The following AHI1 variants were observed in gnomAD, a reference collection of about 807,000 sequenced individuals.
AHI1 encodes the protein jouberin.
In AHI1, 123 loss-of-function variants were observed where a neutral mutation model predicts 149.3. The observed-to-expected ratio is 0.82, with a 90% confidence interval of 0.71 to 0.96. The LOEUF (loss-of-function observed/expected upper bound fraction) is 0.96, where lower values mean the gene tolerates loss of function less well. Among genes scored for constraint, AHI1 ranks in the 40% least tolerant of loss-of-function variants. The pLI, the probability that AHI1 is intolerant of heterozygous loss-of-function variation, is 0.00. For synonymous variants in AHI1, 475 were observed against 459.8 expected (o/e 1.03, Z -0.42); for missense variants, 1,439 against 1,422.7 (o/e 1.01, Z -0.18).
chr6:135,439,889 T>C (rs896005124), intron 14 of AHI1, among the ~76,000 whole-genome samples: 3 of 152,056 alleles, frequency 2.0e-5, no homozygotes, highest in Non-Finnish European at 4.4e-5. Flanking sequence ...AATAGCAAAG[T>C]AAGAATCTTA....
At chr6:135,395,958 T>C (rs1779153351) in intron 22 of AHI1, among the ~76,000 whole-genome samples, 1 of 151,866 alleles carries the variant, frequency 6.6e-6, no homozygotes, top group Non-Finnish European at 1.5e-5. Context: ...TACTGGGCTC[T>C]TGTTACATGC....
chr6:135,453,135 A>G (rs1366249533), intron 11 of AHI1, among the ~76,000 whole-genome samples: 1 of 152,184 alleles, frequency 6.6e-6, no homozygotes, highest in Non-Finnish European at 1.5e-5. Context: ...CTCAGAACCA[A>G]ATAGTGTAAC....
intron 24 of AHI1, among the ~76,000 whole-genome samples, chr6:135,345,015 CA>C (rs1790981869): frequency 6.6e-6 from 1 of 151,228 alleles, no homozygotes; most frequent in Non-Finnish European, 1.5e-5. Flanking sequence ...ATAATCTCCC[CA>C]ATTAGAAAAT....
At chr6:135,400,295 T>C (rs1779843336) in intron 22 of AHI1, among the ~76,000 whole-genome samples, 2 of 152,328 alleles carry the variant, frequency 1.3e-5, no homozygotes, top group Admixed American at 1.3e-4. Context: ...TTCTCTATTT[T>C]CTGAACCTTT....
At chr6:135,356,717 T>C (rs980127885) in intron 24 of AHI1, among the ~76,000 whole-genome samples, 4 of 152,206 alleles carry the variant, frequency 2.6e-5, no homozygotes, top group African/African-American at 9.6e-5. Context: ...GGCTACTCTT[T>C]TAGCATACTT....
intron 13 of AHI1, among the ~76,000 whole-genome samples, chr6:135,444,162 T>C (rs955345641): frequency 1.3e-5 from 2 of 152,166 alleles, no homozygotes; most frequent in African/African-American, 4.8e-5. Flanking sequence ...CTACTTTCTG[T>C]CTCTCGTATT....
intron 13 of AHI1, among the ~76,000 whole-genome samples, chr6:135,443,347 C>A (rs1162669912): frequency 6.6e-6 from 1 of 152,128 alleles, no homozygotes; most frequent in South Asian, 2.1e-4. Flanking sequence ...ATACCAGTTA[C>A]GTTTATTTAT....
intron 24 of AHI1, among the ~76,000 whole-genome samples, chr6:135,356,339 A>C (rs1034973847): frequency 2.0e-5 from 3 of 152,234 alleles, no homozygotes; most frequent in African/African-American, 4.8e-5. Flanking sequence ...AAAGAAAATA[A>C]GAGAAGATAG....
intron 23 of AHI1, among the ~76,000 whole-genome samples, chr6:135,360,789 AATAT>A: frequency 6.6e-6 from 1 of 152,346 alleles, no homozygotes; most frequent in Non-Finnish European, 1.5e-5. Context: ...TGAACTCAGG[AATAT>A]ATAGATAGAA....
chr6:135,322,511 A>T (rs1583713300), intron 25 of AHI1, among the ~76,000 whole-genome samples: 1 of 152,134 alleles, frequency 6.6e-6, no homozygotes, highest in African/African-American at 2.4e-5. Flanking sequence ...TATTTAATGA[A>T]CAAAAACCAT....
intron 24 of AHI1, among the ~76,000 whole-genome samples, chr6:135,335,069 T>C (rs1789175066): frequency 6.6e-6 from 1 of 152,246 alleles, no homozygotes; most frequent in Non-Finnish European, 1.5e-5. Context: ...AGAAAGATAA[T>C]TTAAAATATA....
At chr6:135,367,373 C>A (rs187565217) in intron 23 of AHI1, among the ~76,000 whole-genome samples, 5 of 152,172 alleles carry the variant, frequency 3.3e-5, no homozygotes. Context: ...CCCAGGTGTT[C>A]TTTGAGCTTC....
chr6:135,497,293 C>T (rs1200462277), intron 1 of AHI1, 44 bp from the exon 2 acceptor site: 1 of 152,240 alleles, frequency 6.6e-6, no homozygotes, highest in African/African-American at 2.4e-5. Flanking sequence ...GATTTAAAAG[C>T]ATTTAAATAA....
At position 135,411,497 on chromosome 6, in the gene AHI1, G is replaced by A. The variant is rs1374658118; in HGVS notation, c.2812C>T (p.Pro938Ser). The change falls in exon 21 of 29, where the codon CCA becomes TCA. Residue 938 changes from proline (P) to serine (S), a missense_variant. Physicochemically the swap from Pro to Ser is moderately conservative, Grantham distance 74 (BLOSUM62 -1). Coordinates refer to ENST00000265602, the MANE Select transcript of AHI1 (RefSeq NM_001134831.2). ...TGACTTTGGTGTATTCCAGGTAATG[G>A]AAATGTTCCATTGTAGCGTTTGAAC... Reference protein sequence around the residue: ...EMFKRYNGTFPLPGIHQSQDA... With the variant: ...EMFKRYNGTFSLPGIHQSQDA... 2 of 1,610,294 alleles carry A rather than the reference G, an allele frequency of 1.2e-6. No homozygotes were observed. The highest frequency in any genetic ancestry group is 2.2e-5 in the East Asian group (1 of 44,796).
At chr6:135,319,325 T>C (rs1786456148) in intron 25 of AHI1, among the ~76,000 whole-genome samples, 1 of 152,016 alleles carries the variant, frequency 6.6e-6, no homozygotes, top group South Asian at 2.1e-4. Context: ...AAAAATATAA[T>C]AATTAGCTGG....
At chr6:135,423,991 G>A (rs1783588588) in intron 20 of AHI1, among the ~76,000 whole-genome samples, 1 of 151,980 alleles carries the variant, frequency 6.6e-6, no homozygotes, top group Admixed American at 6.6e-5. Context: ...GTAGGTACTA[G>A]TAGGAAAAAG....
intron 3 of AHI1, 125 bp from the exon 4 acceptor site, chr6:135,492,416 T>C (rs1795373069): frequency 7.6e-7 from 1 of 1,310,662 alleles, no homozygotes; most frequent in Non-Finnish European, 9.8e-7. Flanking sequence ...AATAAAGCTA[T>C]GTTCCCTTAA....
Position 135,431,278 on chromosome 6 carries a change from A to T in AHI1, c.2303T>A (p.Ile768Asn), listed in dbSNP as rs752191636. ...CTTGACATAGGTATTCCAAACAACA[A>T]TCACCCCTGTACAATCTCCTGAATA... The part of the protein sequence containing the change: ...HMYSGDCTGV[I>N]VVWNTYVKIN... The change falls in exon 17 of 29, where the codon ATT (isoleucine) becomes AAT (asparagine). Residue 768 changes from isoleucine to asparagine, a missense_variant. Coordinates refer to ENST00000265602, the MANE Select transcript of AHI1 (RefSeq NM_001134831.2). 6.2e-7 allele frequency: 1 copy of T among 1,608,792 alleles called. No individual in the cohort carries two copies. Among genetic ancestry groups the T allele is most frequent in the Non-Finnish European group, 8.5e-7 (1 of 1,176,690 alleles).
chr6:135,392,366 A>T (rs908522117), intron 23 of AHI1, among the ~76,000 whole-genome samples: 1 of 152,208 alleles, frequency 6.6e-6, no homozygotes, highest in Non-Finnish European at 1.5e-5. Flanking sequence ...CTTGAAAAAG[A>T]TCAATAAAAG....
Sources: gnomAD v4.1 joint callset for allele counts (sites outside exome capture counted in the v4.1 genomes callset) on GRCh38, gnomAD v4.1.1 for gene constraint, MANE v1.5 for transcripts, NCBI Gene and HGNC (gene_info 2026-07-23, HGNC 2026-07-21) for gene names.